Variants in RNF180 observed in about 807,000 individuals in gnomAD.
RNF180 encodes E3 ubiquitin-protein ligase RNF180.
RNF180 carries 38 observed loss-of-function variants against 59.2 expected under a neutral mutation model. That is an observed-to-expected ratio of 0.64 (90% CI 0.50 to 0.84). The LOEUF is 0.84. Ranked by LOEUF, RNF180 falls within the 40% of genes least tolerant of loss-of-function variation. The pLI, the probability that RNF180 is intolerant of heterozygous loss-of-function variation, is 0.00. For missense variants in RNF180, 705 were observed against 700.9 expected (o/e 1.01, Z -0.07); for synonymous variants, 262 against 240.3 (o/e 1.09, Z -0.84).
At chr5:64,222,815 A>C (rs1048707123) in intron 5 of RNF180, among the ~76,000 whole-genome samples, 5 of 152,214 alleles carry the variant, frequency 3.3e-5, no homozygotes, top group Admixed American at 6.5e-5. Flanking sequence ...ATGCTATGTT[A>C]TCTCTTCTCT....
chr5:64,313,963 G>A (rs1012211302), intron 5 of RNF180, among the ~76,000 whole-genome samples: 5 of 152,096 alleles, frequency 3.3e-5, no homozygotes, highest in African/African-American at 4.8e-5. Flanking sequence ...CTTTGGAAAA[G>A]TGTTTGTTCA....
intron 1 of RNF180, among the ~76,000 whole-genome samples, chr5:64,186,225 T>C (rs1329553662): frequency 1.3e-5 from 2 of 152,188 alleles, no homozygotes; most frequent in African/African-American, 2.4e-5. Flanking sequence ...CCACCTTTCA[T>C]CTGAATCCTT....
At chr5:64,279,950 G>T (rs191126870) in intron 5 of RNF180, among the ~76,000 whole-genome samples, 52 of 152,178 alleles carry the variant, frequency 3.4e-4, no homozygotes, top group Admixed American at 1.0e-3. Flanking sequence ...AAAATTAGCC[G>T]GGCGTGGTGG....
chr5:64,280,044 A>T (rs1741929893), intron 5 of RNF180, among the ~76,000 whole-genome samples: 1 of 152,198 alleles, frequency 6.6e-6, no homozygotes, highest in Non-Finnish European at 1.5e-5. Context: ...ATGGTATGTC[A>T]GTGTGGTTTT....
intron 7 of RNF180, among the ~76,000 whole-genome samples, chr5:64,353,475 T>C (rs1745895639): frequency 6.6e-6 from 1 of 151,824 alleles, no homozygotes; most frequent in African/African-American, 2.4e-5. Flanking sequence ...AATTGCCTTC[T>C]GGTATTTATT....
intron 5 of RNF180, among the ~76,000 whole-genome samples, chr5:64,237,592 A>G (rs550505137): frequency 6.6e-6 from 1 of 152,214 alleles, no homozygotes; most frequent in African/African-American, 2.4e-5. Flanking sequence ...TGGTTTTGAA[A>G]TGTGAAAGGG....
intron 3 of RNF180, among the ~76,000 whole-genome samples, chr5:64,212,720 A>G (rs1454320063): frequency 1.3e-5 from 2 of 152,198 alleles, no homozygotes; most frequent in Non-Finnish European, 2.9e-5. Flanking sequence ...AGGATCCTTA[A>G]TGAAATATTA....
At chr5:64,321,052 A>T (rs968945251) in intron 5 of RNF180, among the ~76,000 whole-genome samples, 4 of 152,000 alleles carry the variant, frequency 2.6e-5, no homozygotes, top group South Asian at 4.2e-4. Flanking sequence ...AAAAAAAGGG[A>T]AAGAAAAATT....
At chr5:64,173,717 CTTT>C (rs113698456) in intron 1 of RNF180, among the ~76,000 whole-genome samples, 1 of 140,048 alleles carries the variant, frequency 7.1e-6, no homozygotes, top group Non-Finnish European at 1.6e-5. Flanking sequence ...ATAGCATCAA[CTTT>C]TTTTTTTTTT....
chr5:64,248,599 G>A (rs1428774589), intron 5 of RNF180, among the ~76,000 whole-genome samples: 1 of 152,148 alleles, frequency 6.6e-6, no homozygotes, highest in African/African-American at 2.4e-5. Flanking sequence ...TAAAAAGTCA[G>A]GAATCAACAG....
Position 64,165,969 on chromosome 5 carries a change from T to C in RNF180, c.-1+16T>C. ...GTGGATACAGGTAAAGGCCGGCGGG[T>C]CGGAGTCGGGCGGGGCGCGGCGGCG... On this transcript the variant is annotated intron_variant, in intron 1 of 7. Coordinates refer to ENST00000389100, the MANE Select transcript of RNF180 (RefSeq NM_001113561.2). 6.6e-6 allele frequency: 1 copy of C among 152,534 alleles called. No individual in the cohort carries two copies. The highest frequency in any genetic ancestry group is 1.5e-5 in the Non-Finnish European group (1 of 68,426). 9.4% of individuals were successfully genotyped at this position (152,534 alleles called of 1,614,324 possible). A position where few individuals can be genotyped will look rare whatever the true frequency, so the allele number is the denominator to read the frequency against.
At chr5:64,171,123 T>C (rs1224394796) in intron 1 of RNF180, among the ~76,000 whole-genome samples, 1 of 152,180 alleles carries the variant, frequency 6.6e-6, no homozygotes, top group Non-Finnish European at 1.5e-5. Context: ...TGAAGAGTCA[T>C]AAGAGCCAGA....
At chr5:64,368,933 C>T (rs545304958) in intron 7 of RNF180, among the ~76,000 whole-genome samples, 49 of 152,018 alleles carry the variant, frequency 3.2e-4, no homozygotes, top group Non-Finnish European at 4.3e-4. Context: ...CTAGAAATAC[C>T]ATTTGACCCA....
chr5:64,197,350 G>A (rs917265327), intron 1 of RNF180, among the ~76,000 whole-genome samples: 1 of 152,164 alleles, frequency 6.6e-6, no homozygotes, highest in Non-Finnish European at 1.5e-5. Flanking sequence ...GCTTCATGCC[G>A]CTGGTGTCTG....
intron 5 of RNF180, among the ~76,000 whole-genome samples, chr5:64,314,863 T>C (rs928453227): frequency 6.6e-6 from 1 of 152,132 alleles, no homozygotes; most frequent in Non-Finnish European, 1.5e-5. Context: ...AAGGGGATAG[T>C]AGTATAATAG....
intron 5 of RNF180, among the ~76,000 whole-genome samples, chr5:64,302,198 C>T (rs1743194067): frequency 6.6e-6 from 1 of 151,462 alleles, no homozygotes; most frequent in South Asian, 2.1e-4. Flanking sequence ...GGAGCAGGAA[C>T]AGGATAATCA....
At chr5:64,275,680 T>G (rs1020060705) in intron 5 of RNF180, among the ~76,000 whole-genome samples, 2 of 152,028 alleles carry the variant, frequency 1.3e-5, no homozygotes, top group African/African-American at 4.8e-5. Flanking sequence ...CTTTTCTCCC[T>G]GGGTCTGGGT....
chr5:64,355,839 C>T (rs1333525063), intron 7 of RNF180, among the ~76,000 whole-genome samples: 1 of 151,784 alleles, frequency 6.6e-6, no homozygotes, highest in Non-Finnish European at 1.5e-5. Context: ...AGCTGATTTA[C>T]ATATGCAAAA....
chr5:64,350,772 C>G (rs1248679317), intron 7 of RNF180, among the ~76,000 whole-genome samples: 16 of 152,112 alleles, frequency 1.1e-4, no homozygotes, highest in Non-Finnish European at 7.4e-5. Context: ...GTCTATATCT[C>G]TGTTTTGGTA....
Sources: gnomAD v4.1 joint callset for allele counts (sites outside exome capture counted in the v4.1 genomes callset) on GRCh38, gnomAD v4.1.1 for gene constraint, MANE v1.5 for transcripts, NCBI Gene and HGNC (gene_info 2026-07-23, HGNC 2026-07-21) for gene names.